Variants in SRRM2 observed in about 807,000 individuals in gnomAD.
SRRM2 encodes the protein serine/arginine repetitive matrix protein 2.
Under a neutral mutation model 213.8 loss-of-function variants are expected in SRRM2, and 30 were observed. That is an observed-to-expected ratio of 0.14 (90% CI 0.10 to 0.19). The LOEUF is 0.19. Among genes scored for constraint, SRRM2 ranks in the 10% least tolerant of loss-of-function variants. The pLI is 1.00. For missense variants in SRRM2, 4,904 were observed against 3,647.0 expected (o/e 1.34, Z -8.88); for synonymous variants, 2,025 against 1,377.7 (o/e 1.47, Z -10.40).
Position 2,766,706 on chromosome 16 carries a change from C to T in SRRM2, c.6178C>T (p.Arg2060Ter), listed in dbSNP as rs771723234. The change falls in exon 11 of 15, where the codon CGA becomes TGA. Residue 2060 changes from arginine to a stop codon, truncating the protein, a stop_gained. Transcript: ENST00000301740. LOFTEE classifies it high-confidence loss of function. The surrounding 1 kb of genome is among the most constrained non-coding windows in gnomAD (Gnocchi z 7.0). ...CCGCCGCTCCAGATCCCGTACTCCA[C>T]GAACAGCTCGGGGTAAACGGTCCTT... Reference protein sequence around the residue: ...IRRRSRSRTPRTARGKRSLTR... With the variant: ...IRRRSRSRTP 1 of 1,614,232 alleles carries T rather than the reference C, an allele frequency of 6.2e-7. No individual in the cohort carries two copies.
rs1427501804 is a variant in SRRM2, at chr16:2,767,926, C to T, written c.7398C>T (p.Thr2466=). ...SDQSRCLIAQ[T]TPVAGSQSLS... is the part of the protein sequence containing the mutation. ...AATCCCGTTGTTTGATTGCCCAGAC[C>T]ACCCCTGTAGCAGGGTCTCAGTCCC... The change falls in exon 11 of 15, where the codon ACC becomes ACT. Residue 2466 remains threonine, a synonymous_variant. Transcript: ENST00000301740. 6.2e-7 allele frequency: 1 copy of T among 1,614,034 alleles called. No individual in the cohort carries two copies. Among genetic ancestry groups the T allele is most frequent in the Non-Finnish European group, 8.5e-7 (1 of 1,180,032 alleles).
chr16:2,757,159 C>T (rs1157273178), intron 2 of SRRM2, among the ~76,000 whole-genome samples: 2 of 152,134 alleles, frequency 1.3e-5, no homozygotes, highest in Non-Finnish European at 2.9e-5. Flanking sequence ...GTATCCCTTA[C>T]TTTGGAATCC....
intron 4 of SRRM2, 95 bp from the exon 5 acceptor site, chr16:2,758,375 A>T (rs888469090): frequency 2.6e-6 from 3 of 1,162,882 alleles, no homozygotes; most frequent in Non-Finnish European, 3.8e-6. Flanking sequence ...TTATTTTTTT[A>T]TTTTTATTAC....
chr16:2,770,758 G>A (rs780911353), intron 14 of SRRM2, 41 bp downstream of exon 14: 1 of 1,598,126 alleles, frequency 6.3e-7, no homozygotes, highest in East Asian at 2.2e-5. Context: ...CCGGGAGCCA[G>A]TTGTGGTGGT....
At chr16:2,757,639 G>A (rs2068193183) in intron 3 of SRRM2, 60 bp downstream of exon 3, 1 of 1,585,762 alleles carries the variant, frequency 6.3e-7, no homozygotes. Context: ...GGCTGCTGCT[G>A]CTGTCCTTTT....
In SRRM2 at chr16:2,758,950, A is replaced by C. The variant is rs189417395; in HGVS notation, c.594-35A>C. 95 of 1,613,134 alleles carry C rather than the reference A, an allele frequency of 5.9e-5. No homozygotes were observed. In the African/African-American group the frequency reaches 1.1e-3, roughly 19 times the overall value. On this transcript the variant is annotated intron_variant, in intron 5 of 14. Transcript: ENST00000301740. ...AAGTGGGAGGGCCAGGAAAGAAGCC[A>C]AGCAGGATGAGCTTGCTTTTGAATC...
rs1383805615 is a variant in SRRM2 at position 2,771,048 on chromosome 16, C to T, written c.*181C>T. Reference sequence around the variant, plus strand: ...CTTTGTTCCTGTGAAATGTTAATCTCCGTGAGTTCTTCCTGGTTCATGTGT... The same window carrying T: ...CTTTGTTCCTGTGAAATGTTAATCTTCGTGAGTTCTTCCTGGTTCATGTGT... On this transcript the variant is annotated 3_prime_UTR_variant, in exon 15 of 15. Transcript: ENST00000301740. 5.0e-6 allele frequency: 3 copies of T among 605,962 alleles called. No individual in the cohort carries two copies. Among genetic ancestry groups the T allele is most frequent in the South Asian group, 2.0e-5 (1 of 50,090 alleles). The allele number at this position is 605,962 out of a possible 1,614,324, so 37.5% of individuals were successfully genotyped here. A position where few individuals can be genotyped will look rare whatever the true frequency, so the allele number is the denominator to read the frequency against.
Position 2,756,495 on chromosome 16 carries a change from G to A in SRRM2, c.131G>A (p.Arg44His), listed in dbSNP as rs565833754. 5 of 1,613,996 alleles carry A rather than the reference G, an allele frequency of 3.1e-6. No homozygotes were observed. Among genetic ancestry groups the A allele is most frequent in the Admixed American group, 1.7e-5 (1 of 60,024 alleles). ...PDYKGEEELRRLEAALVKRPN... is the reference protein window; with the variant it reads ...PDYKGEEELRHLEAALVKRPN... ...TACAAGGGAGAGGAGGAACTGCGGC[G>A]CCTGGAGGCTGCCCTGGTGAAGCGG... Residue 44 changes from arginine (R) to histidine (H), a missense_variant, in exon 2 of 15, where the codon CGC becomes CAC. Coordinates refer to ENST00000301740, the MANE Select transcript of SRRM2 (RefSeq NM_016333.4).
intron 12 of SRRM2, chr16:2,769,770 C>T (rs1160115615): frequency 4.3e-6 from 2 of 466,972 alleles, no homozygotes; most frequent in South Asian, 1.5e-5. Flanking sequence ...AGCCCCACCT[C>T]TGCGGGAGTG....
At chr16:2,759,939 G>T (rs999125707) in intron 9 of SRRM2, 3 of 539,000 alleles carry the variant, frequency 5.6e-6, no homozygotes, top group Non-Finnish European at 6.6e-6. Context: ...CGTGGTGTCT[G>T]GGGGAGGAAG....
At position 2,762,007 on chromosome 16, in the gene SRRM2, G is replaced by C. The variant is rs778626740; in HGVS notation, c.1479G>C (p.Gly493=). Residue 493 remains glycine, a synonymous_variant, in exon 11 of 15, where the codon GGG becomes GGC. Transcript: ENST00000301740. ...RSRSPATAKR[G]RSRSRTPTKR... is the part of the protein sequence containing the mutation. ...GTAGCCCTGCCACCGCTAAGAGAGG[G>C]CGATCTCGGTCTCGAACCCCTACCA... is the stretch of plus-strand genomic sequence containing the variant. 16 of 1,614,160 alleles carry C rather than the reference G, an allele frequency of 9.9e-6. No homozygotes were observed. Among genetic ancestry groups the C allele is most frequent in the Non-Finnish European group, 1.4e-5 (16 of 1,180,028 alleles).
At position 2,766,912 on chromosome 16, in the gene SRRM2, T is replaced by C. The variant is rs771724051; in HGVS notation, c.6384T>C (p.Asp2128=). The C allele has an allele frequency of 6.2e-7, 1 of 1,614,012 alleles. No individual in the cohort carries two copies. The highest frequency in any genetic ancestry group is 1.3e-5 in the African/African-American group (1 of 74,930). The change falls in exon 11 of 15, where the codon GAT becomes GAC. Residue 2128 remains aspartate (D), a synonymous_variant. Transcript: ENST00000301740. The surrounding 1 kb of genome is among the most constrained non-coding windows in gnomAD (Gnocchi z 7.0). ...CTAGCATGTCCCCAACACCTCTTGA[T>C]CGCTGCAGATCACCTGGAATGCTTG... ...SRPSMSPTPL[D]RCRSPGMLEP...
At position 2,764,113 on chromosome 16, in the gene SRRM2, G is replaced by T. The variant is rs1218321482; in HGVS notation, c.3585G>T (p.Arg1195Ser). ...TTAGTCCCTTTCCAGTACAGGATAG[G>T]CCTGAGTCTTCACTGGTATTCAAAG... is the stretch of plus-strand genomic sequence containing the variant. ...DKFSPFPVQD[R>S]PESSLVFKDT... Residue 1195 changes from arginine (R) to serine (S), a missense_variant, in exon 11 of 15, where the codon AGG becomes AGT. By Grantham distance (110) the Arg-to-Ser change is moderately radical. Transcript: ENST00000301740. The T allele has an allele frequency of 1.9e-6, 3 of 1,614,158 alleles. No homozygotes were observed. Among genetic ancestry groups the T allele is most frequent in the Non-Finnish European group, 2.5e-6 (3 of 1,180,048 alleles).
intron 2 of SRRM2, among the ~76,000 whole-genome samples, chr16:2,757,073 A>G (rs1328893932): frequency 6.6e-6 from 1 of 152,146 alleles, no homozygotes; most frequent in Non-Finnish European, 1.5e-5. Flanking sequence ...GAAATTTTGG[A>G]AAAGGAGCCC....
chr16:2,761,813 A>C lies in SRRM2; in HGVS notation c.1285A>C (p.Lys429Gln), dbSNP rs139567101. Residue 429 changes from lysine to glutamine, a missense_variant, in exon 11 of 15, where the codon AAA (lysine) becomes CAA (glutamine). Physicochemically the swap from Lys to Gln is moderately conservative, Grantham distance 53. Transcript: ENST00000301740. ...CAGCCCACCATCCCCTCAACCTACC[A>C]AAGTTTCTCGGCATGCCAGCTCTTC... ...ESSPPSPQPT[K>Q]VSRHASSSPE... 6.2e-7 allele frequency: 1 copy of C among 1,613,588 alleles called. No individual in the cohort carries two copies. Among genetic ancestry groups the C allele is most frequent in the Admixed American group, 1.7e-5 (1 of 59,974 alleles).
chr16:2,765,213 C>T lies in SRRM2; in HGVS notation c.4685C>T (p.Ser1562Phe), dbSNP rs769983402. The change falls in exon 11 of 15, where the codon TCT (serine) becomes TTT (phenylalanine). Residue 1562 changes from serine (S) to phenylalanine (F), a missense_variant. Ser to Phe is a radical substitution (Grantham distance 155). Transcript: ENST00000301740. ...CAGGAAAGAAGTGAGTCAGACTCTT[C>T]TCCAGATTCTAAAGCCAAGACAAGA... Reference protein sequence around the residue: ...SPQERSESDSSPDSKAKTRTP... With the variant: ...SPQERSESDSFPDSKAKTRTP... 2.6e-5 allele frequency: 42 copies of T among 1,614,020 alleles called. No individual in the cohort carries two copies. The highest frequency in any genetic ancestry group is 3.2e-5 in the Non-Finnish European group (38 of 1,179,972).
chr16:2,771,267 T>G lies in SRRM2; in HGVS notation c.*400T>G, dbSNP rs1596300338. The G allele has an allele frequency of 2.6e-6, 2 of 766,292 alleles. No homozygotes were observed. Among genetic ancestry groups the G allele is most frequent in the Non-Finnish European group, 4.5e-6 (2 of 446,502 alleles). 47.5% of individuals were successfully genotyped at this position (766,292 alleles called of 1,614,324 possible). A position where few individuals can be genotyped will look rare whatever the true frequency, so the allele number is the denominator to read the frequency against. On this transcript the variant is annotated 3_prime_UTR_variant, in exon 15 of 15. Coordinates refer to ENST00000301740, the MANE Select transcript of SRRM2 (RefSeq NM_016333.4). The stretch of plus-strand genomic sequence containing the variant: ...TGTTCTTGGAAGGAAGGGGCAGGAG[T>G]TGGAATTAGTTGGTCCCTACTGTCC...
rs2068724251 is a variant in SRRM2 at position 2,770,925 on chromosome 16, T to C, written c.*58T>C. On this transcript the variant is annotated 3_prime_UTR_variant, in exon 15 of 15. Transcript: ENST00000301740. ...CTCTGGAGCCACAAGGAGTGTCCCT[T>C]CTTCCCCAGCAGAGCCGTGGGAGGG... The C allele has an allele frequency of 3.1e-6, 5 of 1,610,118 alleles. No homozygotes were observed. The African/African-American group carries it at 5.3e-5, about 17-fold the overall frequency.
chr16:2,760,246 T>G, intron 9 of SRRM2, 55 bp from the exon 10 acceptor site: 1 of 1,555,390 alleles, frequency 6.4e-7, no homozygotes, highest in Non-Finnish European at 8.7e-7. Context: ...GGGTTTTCTG[T>G]TCTCCCTTTG....
Sources: allele counts gnomAD v4.1 joint callset (sites outside exome capture counted in the v4.1 genomes callset), GRCh38; gene constraint gnomAD v4.1.1; non-coding constraint Gnocchi (gnomAD v3.1); transcripts MANE v1.5; gene names NCBI Gene and HGNC (gene_info 2026-07-23, HGNC 2026-07-21).